DNAH1: variants seen among roughly 807,000 people sequenced by gnomAD.
DNAH1 encodes axonemal beta dynein heavy chain 1.
Under a neutral mutation model 484.3 loss-of-function variants are expected in DNAH1, and 327 were observed. That is an observed-to-expected ratio of 0.68 (90% CI 0.62 to 0.74). DNAH1 has a LOEUF of 0.74. Among genes scored for constraint, DNAH1 ranks in the 30% least tolerant of loss-of-function variants. DNAH1 has a pLI of 0.00. For missense variants in DNAH1, 5,052 were observed against 5,546.8 expected (o/e 0.91, Z 2.83); for synonymous variants, 2,192 against 2,191.9 (o/e 1.00, Z 0.00).
chr3:52,361,146 C>A lies in DNAH1; in HGVS notation c.4686-18C>A. On this transcript the variant is annotated intron_variant, in intron 28 of 77. Transcript: ENST00000420323. This position sits in a 1 kb window ranked among gnomAD's most constrained non-coding sequence, Gnocchi z 5.6. ...CAGGCCATGTGCGGCCCGAGCCCAC[C>A]TCCTCTGTCTCCTGCAGGTGCTACC... is the stretch of plus-strand genomic sequence containing the variant. 1 of 1,541,628 alleles carries A rather than the reference C, an allele frequency of 6.5e-7. No homozygotes were observed. The highest frequency in any genetic ancestry group is 1.3e-5 in the South Asian group (1 of 79,310).
intron 22 of DNAH1, 113 bp downstream of exon 22, chr3:52,356,891 C>A: frequency 7.5e-7 from 1 of 1,330,798 alleles, no homozygotes; most frequent in Non-Finnish European, 1.0e-6. Flanking sequence ...GTGGACAAGC[C>A]TGAGGATTTG....
chr3:52,372,332 G>A lies in DNAH1; in HGVS notation c.6772G>A (p.Ala2258Thr). The A allele has an allele frequency of 6.2e-7, 1 of 1,613,968 alleles. No individual in the cohort carries two copies. The highest frequency in any genetic ancestry group is 8.5e-7 in the Non-Finnish European group (1 of 1,179,886). The change falls in exon 43 of 78, where the codon GCC (alanine) becomes ACC (threonine). Residue 2258 changes from alanine (A) to threonine (T), a missense_variant. Ala to Thr is a moderately conservative substitution (Grantham distance 58). Coordinates refer to ENST00000420323, the MANE Select transcript of DNAH1 (RefSeq NM_015512.5). ...CATCAGCCACTTCCTCACCTTCTCA[G>A]CCCGCACTTCAGCCAACCAGACCCA... The part of the protein sequence containing the change: ...DYISHFLTFS[A>T]RTSANQTQDF...
At chr3:52,392,772 C>G in intron 64 of DNAH1, 58 bp from the exon 65 acceptor site, 1 of 1,439,228 alleles carries the variant, frequency 6.9e-7, no homozygotes. Context: ...CTAGGCCTGC[C>G]CCCCAAACCC....
chr3:52,393,089 G>A, intron 65 of DNAH1, 64 bp downstream of exon 65: 1 of 1,564,926 alleles, frequency 6.4e-7, no homozygotes, highest in Non-Finnish European at 8.7e-7. Flanking sequence ...CATTTCCACT[G>A]TGGGGCACAC....
Position 52,399,005 on chromosome 3 carries a change from C to T in DNAH1, c.12245C>T (p.Ser4082Leu), listed in dbSNP as rs1236314274. 6.8e-6 allele frequency: 11 copies of T among 1,613,874 alleles called. No individual in the cohort carries two copies. Among genetic ancestry groups the T allele is most frequent in the East Asian group, 2.2e-5 (1 of 44,896 alleles). Residue 4082 changes from serine (S) to leucine (L), a missense_variant, in exon 76 of 78, where the codon TCG becomes TTG. Around this residue, in one of 4 missense-constraint regions of DNAH1, gnomAD observed 853 missense variants for 899.0 expected, o/e 0.95. Transcript: ENST00000420323. The stretch of plus-strand genomic sequence containing the variant: ...CTCTGGAGTGCCAAGGCCTACCCAT[C>T]GCTCAAGCCTCTGTCATCATGGGTC... ...PELWSAKAYP[S>L]LKPLSSWVMD...
chr3:52,326,653 C>T (rs1701355809), intron 4 of DNAH1, 82 bp from the exon 5 acceptor site: 1 of 1,494,864 alleles, frequency 6.7e-7, no homozygotes, highest in East Asian at 2.3e-5. Context: ...GTCCCCACAA[C>T]CCCGTAGGCC....
At position 52,388,895 on chromosome 3, in the gene DNAH1, CCTGGTGGCCGCTGG is replaced by C; in HGVS notation, c.9456_9469del (p.Val3153CysfsTer78). On this transcript the variant is annotated frameshift_variant, in exon 59 of 78. Transcript: ENST00000420323. LOFTEE classifies it high-confidence loss of function. ...TGCTCAACAACATCTCCGGCGATGT[CCTGGTGGCCGCTGG>C]CTTTGTGGCCTACCTGGGCCCCTTC... The C allele has an allele frequency of 1.2e-6, 2 of 1,612,582 alleles. No individual in the cohort carries two copies. Among genetic ancestry groups the C allele is most frequent in the Non-Finnish European group, 1.7e-6 (2 of 1,178,948 alleles).
Position 52,353,332 on chromosome 3 carries a change from CCCTGCCTCTGCCG to C in DNAH1, c.3227-38_3227-26del, listed in dbSNP as rs1702473005. 6.2e-7 allele frequency: 1 copy of C among 1,608,888 alleles called. No individual in the cohort carries two copies. The highest frequency in any genetic ancestry group is 8.5e-7 in the Non-Finnish European group (1 of 1,176,262). ...GAGCCAAGCCGGCCAATCCCCTCCTCCCTGCCTCTGCCGCCTGCCTCTCATGCGTTTCTGTCTT... is the reference window on the plus strand; with the variant it reads ...GAGCCAAGCCGGCCAATCCCCTCCTCCCTGCCTCTCATGCGTTTCTGTCTT... On this transcript the variant is annotated intron_variant, in intron 19 of 77. Coordinates refer to ENST00000420323, the MANE Select transcript of DNAH1 (RefSeq NM_015512.5). The surrounding 1 kb of genome is among the most constrained non-coding windows in gnomAD (Gnocchi z 5.0).
At chr3:52,347,485 T>C (rs959803146) in intron 11 of DNAH1, among the ~76,000 whole-genome samples, 7 of 152,198 alleles carry the variant, frequency 4.6e-5, no homozygotes, top group Non-Finnish European at 1.0e-4. Flanking sequence ...CAGGCTTGGT[T>C]CTTGCTGTGT....
chr3:52,326,309 C>G lies in DNAH1; in HGVS notation c.576C>G (p.Ile192Met). The change falls in exon 4 of 78, where the codon ATC becomes ATG. Residue 192 changes from isoleucine (I) to methionine (M), a missense_variant. This residue lies in a region of DNAH1 where 1,263 missense variants were observed against 1,218.8 expected (regional missense o/e 1.04). Coordinates refer to ENST00000420323, the MANE Select transcript of DNAH1 (RefSeq NM_015512.5). ...LPGQHPRKIEIERRKQQYLSL... is the reference protein window; with the variant it reads ...LPGQHPRKIEMERRKQQYLSL... ...GCCAGCATCCTCGCAAGATTGAGAT[C>G]GAGAGGTACGGCTGGGTGGGCTGTG... The G allele has an allele frequency of 6.2e-7, 1 of 1,605,208 alleles. No homozygotes were observed. The highest frequency in any genetic ancestry group is 8.5e-7 in the Non-Finnish European group (1 of 1,179,492).
chr3:52,355,074 C>A lies in DNAH1; in HGVS notation c.3693+19C>A. 6.2e-7 allele frequency: 1 copy of A among 1,610,584 alleles called. No homozygotes were observed. The highest frequency in any genetic ancestry group is 8.5e-7 in the Non-Finnish European group (1 of 1,178,788). On this transcript the variant is annotated intron_variant, in intron 21 of 77. Coordinates refer to ENST00000420323, the MANE Select transcript of DNAH1 (RefSeq NM_015512.5). This position sits in a 1 kb window ranked among gnomAD's most constrained non-coding sequence, Gnocchi z 4.5. Reference sequence around the variant, plus strand: ...GACCCAGGTCGGCCCTCCCCCCAGTCCTTCCCTCATCGCTCCCCCACTTCA... The same window carrying A: ...GACCCAGGTCGGCCCTCCCCCCAGTACTTCCCTCATCGCTCCCCCACTTCA...
chr3:52,356,578 C>T, intron 21 of DNAH1, 36 bp from the exon 22 acceptor site: 1 of 1,609,016 alleles, frequency 6.2e-7, no homozygotes, highest in Non-Finnish European at 8.5e-7. Flanking sequence ...CCCTGACAGT[C>T]CATATCACAC....
Position 52,317,170 on chromosome 3 carries a change from A to G in DNAH1, c.-35+625A>G, listed in dbSNP as rs368747057. 7.2e-5 allele frequency among the ~76,000 whole-genome samples: 11 copies of G among 152,352 alleles called. No individual in the cohort carries two copies. In the East Asian group the frequency reaches 9.6e-4, roughly 13 times the overall value. Reference sequence around the variant, plus strand: ...CGTGTTTCTTCAAACACTTCAGGCCACGTCAACTAAGGACAGTCTGATACA... The same window carrying G: ...CGTGTTTCTTCAAACACTTCAGGCCGCGTCAACTAAGGACAGTCTGATACA... On this transcript the variant is annotated intron_variant, in intron 1 of 77. Coordinates refer to ENST00000420323, the MANE Select transcript of DNAH1 (RefSeq NM_015512.5).
At chr3:52,390,388 C>T (rs1432990799) in intron 60 of DNAH1, among the ~76,000 whole-genome samples, 3 of 152,212 alleles carry the variant, frequency 2.0e-5, no homozygotes, top group Non-Finnish European at 2.9e-5. Context: ...TCACCTGAAC[C>T]CAGGAGGTGG....
At position 52,381,900 on chromosome 3, in the gene DNAH1, C is replaced by G; in HGVS notation, c.7805+64C>G. 1 of 1,502,562 alleles carries G rather than the reference C, an allele frequency of 6.7e-7. No individual in the cohort carries two copies. The highest frequency in any genetic ancestry group is 8.9e-7 in the Non-Finnish European group (1 of 1,119,438). The allele number at this position is 1,502,562 out of a possible 1,614,324, so 93.1% of individuals were successfully genotyped here. A position where few individuals can be genotyped will look rare whatever the true frequency, so the allele number is the denominator to read the frequency against. ...GGGCTGGCTGGTCGGTTTGACTGAC[C>G]CATGCTTTTGCACAGTGGTAGAGGC... On this transcript the variant is annotated intron_variant, in intron 49 of 77. Coordinates refer to ENST00000420323, the MANE Select transcript of DNAH1 (RefSeq NM_015512.5). The surrounding 1 kb of genome is among the most constrained non-coding windows in gnomAD (Gnocchi z 4.1).
In DNAH1 at chr3:52,373,678, A is replaced by G. The variant is rs1245420082; in HGVS notation, c.6985+625A>G. The G allele has an allele frequency of 3.6e-6, 5 of 1,388,090 alleles. No individual in the cohort carries two copies. In the African/African-American group the frequency reaches 4.3e-5, roughly 12 times the overall value. The allele number at this position is 1,388,090 out of a possible 1,614,324, so 86.0% of individuals were successfully genotyped here. A position where few individuals can be genotyped will look rare whatever the true frequency, so the allele number is the denominator to read the frequency against. ...GATGTTCCTCCTGCTGATCAAAAGA[A>G]GTTTTTTATCCAGAAGTTATGTCAG... On this transcript the variant is annotated intron_variant, in intron 44 of 77. Coordinates refer to ENST00000420323, the MANE Select transcript of DNAH1 (RefSeq NM_015512.5).
Position 52,353,786 on chromosome 3 carries a change from A to T in DNAH1, c.3480+153A>T, listed in dbSNP as rs1702498116. On this transcript the variant is annotated intron_variant, in intron 20 of 77. Transcript: ENST00000420323. This position sits in a 1 kb window ranked among gnomAD's most constrained non-coding sequence, Gnocchi z 5.0. The stretch of plus-strand genomic sequence containing the variant: ...CCAGGGGTTGAGATGCATTCTATTA[A>T]GTGAGTTAATAATGCACATAAAATT... 6 of 1,003,620 alleles carry T rather than the reference A, an allele frequency of 6.0e-6. No homozygotes were observed. The highest frequency in any genetic ancestry group is 8.6e-6 in the Non-Finnish European group (6 of 697,536). 62.2% of individuals were successfully genotyped at this position (1,003,620 alleles called of 1,614,324 possible).
At position 52,384,921 on chromosome 3, in the gene DNAH1, C is replaced by T. The variant is rs762111464; in HGVS notation, c.8458C>T (p.Gln2820Ter). The change falls in exon 53 of 78, where the codon CAG becomes TAG. Residue 2820 changes from glutamine to a stop codon, truncating the protein, a stop_gained. Coordinates refer to ENST00000420323, the MANE Select transcript of DNAH1 (RefSeq NM_015512.5). LOFTEE classifies it high-confidence loss of function. ...TCATATTTTCTCCATCCTCATCGGG[C>T]AGAAGAAACTGGAGCTGAAAACTGC... ...LLHIFSILIG[Q>*]KKLELKTAKN... 1.2e-6 allele frequency: 2 copies of T among 1,613,680 alleles called. No individual in the cohort carries two copies.
At position 52,364,545 on chromosome 3, in the gene DNAH1, C is replaced by G. The variant is rs1702989295; in HGVS notation, c.5245-93C>G. ...GAAGTGCTATGAGCTGGTGATGAGA[C>G]TTGGCCAACTGCCAGGTGGGAGGCA... is the stretch of plus-strand genomic sequence containing the variant. On this transcript the variant is annotated intron_variant, in intron 32 of 77. Coordinates refer to ENST00000420323, the MANE Select transcript of DNAH1 (RefSeq NM_015512.5). The surrounding 1 kb of genome is among the most constrained non-coding windows in gnomAD (Gnocchi z 4.2). 7.0e-7 allele frequency: 1 copy of G among 1,431,304 alleles called. No homozygotes were observed. The highest frequency in any genetic ancestry group is 9.8e-7 in the Non-Finnish European group (1 of 1,016,840). The allele number at this position is 1,431,304 out of a possible 1,614,324, so 88.7% of individuals were successfully genotyped here. A position where few individuals can be genotyped will look rare whatever the true frequency, so the allele number is the denominator to read the frequency against.
Sources: allele counts gnomAD v4.1 joint callset (sites outside exome capture counted in the v4.1 genomes callset), GRCh38; gene constraint gnomAD v4.1.1; regional missense constraint gnomAD v4.1.1; non-coding constraint Gnocchi (gnomAD v3.1); transcripts MANE v1.5; gene names NCBI Gene and HGNC (gene_info 2026-07-23, HGNC 2026-07-21).